Variants in TRPS1 observed in about 807,000 individuals in gnomAD.
TRPS1 encodes zinc finger transcription factor Trps1.
Under a neutral mutation model 101.2 loss-of-function variants are expected in TRPS1, and 6 were observed. The ratio of observed to expected loss-of-function variants is 0.06; its 90% CI spans 0.03 to 0.12. The LOEUF is 0.12. Among genes scored for constraint, TRPS1 ranks in the 10% least tolerant of loss-of-function variants. TRPS1 has a pLI of 1.00. For missense variants in TRPS1, 1,363 were observed against 1,567.0 expected (o/e 0.87, Z 2.20); for synonymous variants, 578 against 589.8 (o/e 0.98, Z 0.29).
At position 115,413,898 on chromosome 8, in the gene TRPS1, A is replaced by G. The variant is rs1812846878; in HGVS notation, c.*125T>C. The G allele has an allele frequency of 1.1e-6, 1 of 928,096 alleles. No individual in the cohort carries two copies. The highest frequency in any genetic ancestry group is 1.8e-5 in the South Asian group (1 of 55,518). 57.5% of individuals were successfully genotyped at this position (928,096 alleles called of 1,614,324 possible). ...AAAGAAAGAATAACAAAAGAAGGGA[A>G]TTTCATGTTGGATAAGGCAGGCTCT... On this transcript the variant is annotated 3_prime_UTR_variant, in exon 7 of 7. Transcript: ENST00000395715.
chr8:115,498,415 C>CTCTCTATATATATATA (rs1486361297), intron 5 of TRPS1, among the ~76,000 whole-genome samples: 1 of 39,298 alleles, frequency 2.5e-5, no homozygotes, highest in Non-Finnish European at 4.4e-5. Flanking sequence ...CTCTCTCTCT[C>CTCTCTATATATATATA]TATATATATA....
chr8:115,456,168 T>C (rs1255802128), intron 5 of TRPS1, among the ~76,000 whole-genome samples: 1 of 152,138 alleles, frequency 6.6e-6, no homozygotes, highest in Non-Finnish European at 1.5e-5. Flanking sequence ...TTATAAATAA[T>C]TGCAGTTTTT....
intron 5 of TRPS1, among the ~76,000 whole-genome samples, chr8:115,542,480 C>CTCTAAAAG (rs1237899014): frequency 1.3e-5 from 2 of 151,864 alleles, no homozygotes; most frequent in Admixed American, 6.6e-5. Flanking sequence ...AAAAACTACT[C>CTCTAAAAG]TCTAAAAGGA....
At chr8:115,545,375 G>A (rs1038444161) in intron 5 of TRPS1, among the ~76,000 whole-genome samples, 4 of 152,078 alleles carry the variant, frequency 2.6e-5, no homozygotes, top group African/African-American at 9.7e-5. Flanking sequence ...TTCACTGGAT[G>A]GTGGAAGACG....
intron 5 of TRPS1, among the ~76,000 whole-genome samples, chr8:115,514,685 T>C (rs1815667799): frequency 6.6e-6 from 1 of 151,704 alleles, no homozygotes; most frequent in Non-Finnish European, 1.5e-5. Context: ...CATTTCTCAT[T>C]CATACAAATT....
At chr8:115,443,071 G>A (rs1271970149) in intron 5 of TRPS1, among the ~76,000 whole-genome samples, 1 of 151,908 alleles carries the variant, frequency 6.6e-6, no homozygotes, top group Non-Finnish European at 1.5e-5. Flanking sequence ...ACTCCAGCCT[G>A]TGTGACAGAG....
At chr8:115,488,875 AT>A in intron 5 of TRPS1, among the ~76,000 whole-genome samples, 1 of 152,328 alleles carries the variant, frequency 6.6e-6, no homozygotes, top group African/African-American at 2.4e-5. Context: ...AAACAGTGAC[AT>A]TATAAATGAG....
intron 1 of TRPS1, among the ~76,000 whole-genome samples, chr8:115,633,307 CA>C (rs1411163632): frequency 6.6e-6 from 1 of 152,026 alleles, no homozygotes; most frequent in Non-Finnish European, 1.5e-5. Flanking sequence ...GACACCCTAA[CA>C]GGGGTGAAGA....
intron 5 of TRPS1, among the ~76,000 whole-genome samples, chr8:115,519,519 T>TA (rs958093147): frequency 2.6e-5 from 4 of 151,594 alleles, no homozygotes; most frequent in African/African-American, 7.2e-5. Context: ...ATCATTGGAT[T>TA]AAAAAAATTA....
intron 1 of TRPS1, among the ~76,000 whole-genome samples, chr8:115,653,887 C>G (rs554803504): frequency 6.6e-6 from 1 of 152,316 alleles, no homozygotes; most frequent in African/African-American, 2.4e-5. Context: ...ACTTCTGGAG[C>G]TATGCTCTGA....
intron 1 of TRPS1, among the ~76,000 whole-genome samples, chr8:115,644,250 T>G (rs1467174254): frequency 6.6e-6 from 1 of 152,252 alleles, no homozygotes; most frequent in African/African-American, 2.4e-5. Flanking sequence ...TTGTCTCCAC[T>G]GAAAATCTGT....
At chr8:115,490,609 T>A (rs1273615222) in intron 5 of TRPS1, among the ~76,000 whole-genome samples, 1 of 152,206 alleles carries the variant, frequency 6.6e-6, no homozygotes, top group Non-Finnish European at 1.5e-5. Context: ...TGTGTCTCAG[T>A]AATCGTCTAC....
intron 5 of TRPS1, among the ~76,000 whole-genome samples, chr8:115,430,960 G>C (rs894763028): frequency 8.6e-5 from 13 of 151,888 alleles, no homozygotes; most frequent in African/African-American, 2.9e-4. Context: ...TGAAGCAATA[G>C]AGTACCTAGG....
chr8:115,563,232 G>A (rs3808447), intron 5 of TRPS1, among the ~76,000 whole-genome samples: 104,822 of 151,626 alleles, frequency 0.69, 37,657 homozygotes, highest in African/African-American at 0.89. Context: ...TGGCGGGTGA[G>A]GGTGTTCTTA....
intron 3 of TRPS1, among the ~76,000 whole-genome samples, chr8:115,618,353 G>A (rs1818315778): frequency 2.6e-5 from 4 of 152,058 alleles, no homozygotes; most frequent in South Asian, 4.2e-4. Context: ...TCCATGTTTC[G>A]TTCTATTCAA....
intron 1 of TRPS1, among the ~76,000 whole-genome samples, chr8:115,655,891 A>G (rs973320988): frequency 2.6e-5 from 4 of 152,076 alleles, no homozygotes; most frequent in Admixed American, 6.5e-5. Context: ...ATTACACAAC[A>G]CCGATGTGAT....
intron 4 of TRPS1, among the ~76,000 whole-genome samples, chr8:115,603,195 T>C (rs1262105152): frequency 6.6e-6 from 1 of 152,118 alleles, no homozygotes; most frequent in Non-Finnish European, 1.5e-5. Flanking sequence ...ACTGGGAAAG[T>C]TAATGTTTAT....
At chr8:115,586,639 T>TA (rs1186254321) in intron 5 of TRPS1, among the ~76,000 whole-genome samples, 9 of 152,252 alleles carry the variant, frequency 5.9e-5, no homozygotes, top group African/African-American at 1.4e-4. Context: ...GCCTAAAATT[T>TA]AAAAGTCATT....
At chr8:115,593,631 C>A (rs1817727249) in intron 4 of TRPS1, among the ~76,000 whole-genome samples, 1 of 152,110 alleles carries the variant, frequency 6.6e-6, no homozygotes, top group East Asian at 1.9e-4. Context: ...AAACTTTTCT[C>A]AAGAATAAAA....
Sources: gnomAD v4.1 joint callset for allele counts (sites outside exome capture counted in the v4.1 genomes callset) on GRCh38, gnomAD v4.1.1 for gene constraint, MANE v1.5 for transcripts, NCBI Gene and HGNC (gene_info 2026-07-23, HGNC 2026-07-21) for gene names.